The following TENM2 variants were observed in gnomAD, a reference collection of about 807,000 sequenced individuals.
TENM2 encodes the protein teneurin-2.
TENM2 carries 52 observed loss-of-function variants against 245.2 expected under a neutral mutation model. That is an observed-to-expected ratio of 0.21 (90% CI 0.17 to 0.27). The LOEUF (loss-of-function observed/expected upper bound fraction) is 0.27. Among genes scored for constraint, TENM2 ranks in the 10% least tolerant of loss-of-function variants. The pLI is 1.00. For synonymous variants in TENM2, 1,363 were observed against 1,438.9 expected, an observed-to-expected ratio of 0.95 and a Z score of 1.19; for missense variants, 3,046 against 3,666.8, an observed-to-expected ratio of 0.83 and a Z score of 4.37.
At chr5:167,631,056 G>A (rs942522138) in intron 2 of TENM2, among the ~76,000 whole-genome samples, 3 of 152,104 alleles carry the variant, frequency 2.0e-5, no homozygotes, top group Admixed American at 6.5e-5. Flanking sequence ...TACCGTGTGC[G>A]ATATGCTTGT....
chr5:167,155,005 A>T, the TENM2 span, among the ~76,000 whole-genome samples: 1 of 152,188 alleles, frequency 6.6e-6, no homozygotes, highest in Non-Finnish European at 1.5e-5. Context: ...GCCTAATTAC[A>T]TCATAACTAC....
At chr5:167,317,509 C>T (rs1327268031) in intron 1 of TENM2, among the ~76,000 whole-genome samples, 1 of 151,490 alleles carries the variant, frequency 6.6e-6, no homozygotes, top group Non-Finnish European at 1.5e-5. Flanking sequence ...AAATGGATCC[C>T]TGAGCATCTG....
At chr5:167,071,886 C>G in the TENM2 span, among the ~76,000 whole-genome samples, 3 of 144,980 alleles carry the variant, frequency 2.1e-5, no homozygotes, top group East Asian at 4.1e-4. Flanking sequence ...TCGCCCCCCC[C>G]CGCCCCCAAC....
chr5:167,847,555 C>T (rs1770162368), intron 2 of TENM2, among the ~76,000 whole-genome samples: 2 of 152,208 alleles, frequency 1.3e-5, no homozygotes, highest in Admixed American at 6.5e-5. Context: ...CACACAAGAC[C>T]CTGTCTGTCC....
At chr5:168,089,690 T>C (rs1232967473) in intron 7 of TENM2, among the ~76,000 whole-genome samples, 1 of 152,192 alleles carries the variant, frequency 6.6e-6, no homozygotes, top group Non-Finnish European at 1.5e-5. Context: ...CTGTGTGACT[T>C]TAGAAAAGTT....
chr5:167,828,065 A>G (rs969544028), intron 2 of TENM2, among the ~76,000 whole-genome samples: 14 of 152,192 alleles, frequency 9.2e-5, no homozygotes, highest in Admixed American at 2.0e-4. Flanking sequence ...AACCACTTCA[A>G]TAGCACTTGG....
intron 2 of TENM2, among the ~76,000 whole-genome samples, chr5:167,616,795 A>T (rs1777818965): frequency 6.6e-6 from 1 of 152,134 alleles, no homozygotes. Flanking sequence ...AGGGCAATGC[A>T]TGTTTATATG....
At chr5:167,904,248 G>T (rs538457825) in intron 3 of TENM2, among the ~76,000 whole-genome samples, 2 of 152,136 alleles carry the variant, frequency 1.3e-5, no homozygotes, top group African/African-American at 2.4e-5. Flanking sequence ...ACACTGTGTG[G>T]TTAGGAGCAT....
chr5:167,149,813 C>A, the TENM2 span, among the ~76,000 whole-genome samples: 1 of 152,058 alleles, frequency 6.6e-6, no homozygotes, highest in African/African-American at 2.4e-5. Context: ...TATCTTTGTC[C>A]TAATTGCATT....
At chr5:167,000,061 T>TCACATTTTACTATA in the TENM2 span, among the ~76,000 whole-genome samples, 22 of 152,298 alleles carry the variant, frequency 1.4e-4, no homozygotes, top group Admixed American at 4.6e-4. Flanking sequence ...TTGTGTTAGA[T>TCACATTTTACTATA]GCTGTAGAGG....
chr5:167,435,838 A>C (rs1360125047), intron 2 of TENM2, among the ~76,000 whole-genome samples: 1 of 152,114 alleles, frequency 6.6e-6, no homozygotes, highest in Non-Finnish European at 1.5e-5. Flanking sequence ...TGGGAAGTGG[A>C]GCAAAGGTGA....
chr5:168,086,221 G>A (rs781478743), intron 7 of TENM2, among the ~76,000 whole-genome samples: 7 of 152,108 alleles, frequency 4.6e-5, no homozygotes, highest in Non-Finnish European at 7.4e-5. Flanking sequence ...CCCGCTCCAC[G>A]GTCTAGGCTC....
chr5:166,995,253 T>G, the TENM2 span, among the ~76,000 whole-genome samples: 1 of 152,040 alleles, frequency 6.6e-6, no homozygotes, highest in Non-Finnish European at 1.5e-5. Context: ...ATTTATTTAT[T>G]TTTTGAGATG....
intron 2 of TENM2, among the ~76,000 whole-genome samples, chr5:167,615,202 C>T (rs938505767): frequency 3.3e-5 from 5 of 151,846 alleles, no homozygotes; most frequent in African/African-American, 9.7e-5. Flanking sequence ...GTCCTGTTAC[C>T]GTGAATAATA....
rs573509698 is a variant in TENM2 at position 167,817,006 on chromosome 5, C to T, written c.503-58980C>T. Among the ~76,000 whole-genome samples the T allele has an allele frequency of 6.6e-4, 101 of 152,230 alleles. 1 individual carries two copies. The Middle Eastern group carries it at 0.01, about 15-fold the overall frequency. On this transcript the variant is annotated intron_variant, in intron 2 of 28. Coordinates refer to ENST00000518659, the Ensembl canonical transcript of TENM2. ...GATCTGTGCAGTGAATAAAACAGGGCCTTGTTACAACTTGATTTGGTTGAT... is the reference window on the plus strand; with the variant it reads ...GATCTGTGCAGTGAATAAAACAGGGTCTTGTTACAACTTGATTTGGTTGAT...
At chr5:167,166,474 G>A in the TENM2 span, among the ~76,000 whole-genome samples, 1 of 152,114 alleles carries the variant, frequency 6.6e-6, no homozygotes, top group Non-Finnish European at 1.5e-5. Flanking sequence ...TTATAATATT[G>A]TTGAGAGCTT....
At chr5:167,910,287 A>C (rs562322900) in intron 3 of TENM2, among the ~76,000 whole-genome samples, 13 of 152,196 alleles carry the variant, frequency 8.5e-5, no homozygotes, top group South Asian at 4.1e-4. Flanking sequence ...AGCTACTACT[A>C]ATCAATCAGA....
chr5:167,221,070 C>T, the TENM2 span, among the ~76,000 whole-genome samples: 2 of 152,068 alleles, frequency 1.3e-5, no homozygotes, highest in Admixed American at 6.6e-5. Context: ...TCAGGTGATC[C>T]GCACACCTTG....
chr5:167,705,083 C>T (rs1011841688), intron 2 of TENM2, among the ~76,000 whole-genome samples: 1 of 152,176 alleles, frequency 6.6e-6, no homozygotes, highest in Non-Finnish European at 1.5e-5. Flanking sequence ...AGACAAACCC[C>T]TTGCTGTGCT....
Sources: gnomAD v4.1 joint callset for allele counts (sites outside exome capture counted in the v4.1 genomes callset) on GRCh38, gnomAD v4.1.1 for gene constraint, MANE v1.5 for transcripts, NCBI Gene and HGNC (gene_info 2026-07-23, HGNC 2026-07-21) for gene names.